The following CPEB2 variants were observed in gnomAD, a reference collection of about 807,000 sequenced individuals.
CPEB2 encodes the protein cytoplasmic polyadenylation element-binding protein 2.
A neutral mutation model predicts 93.6 loss-of-function variants in CPEB2; 56 were observed. The ratio of observed to expected loss-of-function variants is 0.60; its 90% CI spans 0.48 to 0.75. The LOEUF (loss-of-function observed/expected upper bound fraction) is 0.75, where lower values mean the gene tolerates loss of function less well. Among genes scored for constraint, CPEB2 ranks in the 30% least tolerant of loss-of-function variants. The pLI is 0.00. For missense variants in CPEB2, 1,579 were observed against 1,395.1 expected, an observed-to-expected ratio of 1.13 and a Z score of -2.10; for synonymous variants, 764 against 586.3, an observed-to-expected ratio of 1.30 and a Z score of -4.38.
rs1222649906 is a variant in CPEB2 at position 15,003,114 on chromosome 4, C to A, written c.441C>A (p.Pro147=). 2 of 1,527,448 alleles carry A rather than the reference C, an allele frequency of 1.3e-6. No homozygotes were observed. Among genetic ancestry groups the A allele is most frequent in the Non-Finnish European group, 1.8e-6 (2 of 1,142,616 alleles). 94.6% of individuals were successfully genotyped at this position (1,527,448 alleles called of 1,614,324 possible). The change falls in exon 1 of 12, where the codon CCC becomes CCA. Residue 147 remains proline, a synonymous_variant. Coordinates refer to ENST00000538197, the MANE Select transcript of CPEB2 (RefSeq NM_001177382.2). ...SQDFKPSLHH[P]SSSSASSCCC... is the part of the protein sequence containing the mutation. ...ACTTCAAACCGAGTCTGCACCACCCCTCCTCCTCCTCCGCCTCCTCCTGCT... is the reference window on the plus strand; with the variant it reads ...ACTTCAAACCGAGTCTGCACCACCCATCCTCCTCCTCCGCCTCCTCCTGCT...
At chr4:15,006,149 A>G (rs924951041) in intron 1 of CPEB2, among the ~76,000 whole-genome samples, 4 of 152,194 alleles carry the variant, frequency 2.6e-5, no homozygotes, top group Admixed American at 6.5e-5. Flanking sequence ...TGGTTTGTCC[A>G]TGGCTCTGTA....
chr4:15,008,430 A>C lies in CPEB2; in HGVS notation c.2034+3A>C. On this transcript the variant is annotated splice_donor_region_variant and intron_variant, in intron 3 of 11. Transcript: ENST00000538197. ...CCGGAACATCCAGAATAGACCAGGT[A>C]GGCTGCACAGTGTATACTTTTTAGG... The C allele has an allele frequency of 6.2e-7, 1 of 1,602,094 alleles. No homozygotes were observed. The highest frequency in any genetic ancestry group is 1.3e-5 in the African/African-American group (1 of 74,818).
chr4:15,019,923 G>C (rs1018821961), intron 4 of CPEB2, among the ~76,000 whole-genome samples: 2 of 151,986 alleles, frequency 1.3e-5, no homozygotes, highest in African/African-American at 4.8e-5. Context: ...CAGTTTAGCT[G>C]GTTACTTCTG....
chr4:15,054,585 G>A (rs1349167139), intron 8 of CPEB2, among the ~76,000 whole-genome samples: 1 of 151,890 alleles, frequency 6.6e-6, no homozygotes, highest in Non-Finnish European at 1.5e-5. Context: ...TTAGATAAAA[G>A]ACAAAGTAGC....
chr4:15,033,665 A>G (rs1022407863), intron 5 of CPEB2, among the ~76,000 whole-genome samples: 11 of 152,364 alleles, frequency 7.2e-5, no homozygotes, highest in African/African-American at 2.2e-4. Context: ...TGATCACACT[A>G]AACTTACTCA....
At chr4:15,022,961 C>G (rs962233011) in intron 4 of CPEB2, among the ~76,000 whole-genome samples, 3 of 151,922 alleles carry the variant, frequency 2.0e-5, no homozygotes, top group African/African-American at 7.2e-5. Flanking sequence ...GCCTTTATTA[C>G]AAACTTATTA....
intron 11 of CPEB2, chr4:15,063,788 G>A (rs892417122): frequency 1.3e-5 from 2 of 152,098 alleles, no homozygotes; most frequent in African/African-American, 4.8e-5. Context: ...GAGCAACTCA[G>A]TTGCAGAGCA....
At chr4:15,031,557 T>A (rs1283149658) in intron 4 of CPEB2, among the ~76,000 whole-genome samples, 1 of 152,132 alleles carries the variant, frequency 6.6e-6, no homozygotes, top group Admixed American at 6.5e-5. Context: ...GTATGACAAC[T>A]TTATTTAAGA....
In CPEB2 at chr4:15,069,154, TGTTA is replaced by T. The variant is rs1729914982; in HGVS notation, c.*2775_*2778del. On this transcript the variant is annotated 3_prime_UTR_variant, in exon 12 of 12. Transcript: ENST00000538197. ...AAATACTTTAAAAATCCACACTTTT[TGTTA>T]AGAAGGAAACATTTAGCATTTATAT... 6.6e-6 allele frequency: 1 copy of T among 152,308 alleles called. No homozygotes were observed. The highest frequency in any genetic ancestry group is 1.5e-5 in the Non-Finnish European group (1 of 67,846). The allele number at this position is 152,308 out of a possible 1,614,324, so 9.4% of individuals were successfully genotyped here.
chr4:15,014,653 C>G (rs1022958112), intron 3 of CPEB2, among the ~76,000 whole-genome samples: 1 of 151,952 alleles, frequency 6.6e-6, no homozygotes, highest in Non-Finnish European at 1.5e-5. Context: ...AGTCTTTCTC[C>G]TTACAGAACT....
At chr4:15,025,800 A>C (rs1337329563) in intron 4 of CPEB2, among the ~76,000 whole-genome samples, 1 of 2,874 alleles carries the variant, frequency 3.5e-4, no homozygotes, top group Non-Finnish European at 2.8e-3. Flanking sequence ...GGCATTCCCC[A>C]TGTATACACG....
chr4:15,003,932 C>G lies in CPEB2; in HGVS notation c.1259C>G (p.Pro420Arg). ...QQPPQPQPQP[P>R]GSSATTPGGG... Reference sequence around the variant, plus strand: ...CCGCCCCAGCCGCAGCCGCAGCCGCCCGGCTCGTCTGCCACCACCCCGGGC... The same window carrying G: ...CCGCCCCAGCCGCAGCCGCAGCCGCGCGGCTCGTCTGCCACCACCCCGGGC... The change falls in exon 1 of 12, where the codon CCC becomes CGC. Residue 420 changes from proline (P) to arginine (R), a missense_variant. Transcript: ENST00000538197. 8.8e-7 allele frequency: 1 copy of G among 1,131,386 alleles called. No individual in the cohort carries two copies. The highest frequency in any genetic ancestry group is 1.1e-6 in the Non-Finnish European group (1 of 877,114). The allele number at this position is 1,131,386 out of a possible 1,614,324, so 70.1% of individuals were successfully genotyped here.
At chr4:15,057,763 G>C (rs1267943014) in intron 8 of CPEB2, among the ~76,000 whole-genome samples, 1 of 152,168 alleles carries the variant, frequency 6.6e-6, no homozygotes, top group East Asian at 1.9e-4. Flanking sequence ...TGATTTAAAA[G>C]TTTTGATCCA....
intron 11 of CPEB2, among the ~76,000 whole-genome samples, chr4:15,064,200 G>A (rs1729475979): frequency 6.6e-6 from 1 of 151,960 alleles, no homozygotes; most frequent in Non-Finnish European, 1.5e-5. Context: ...ATATTTTTTT[G>A]TATGTTATTT....
In CPEB2 at chr4:15,058,529, A is replaced by G. The variant is rs1236895563; in HGVS notation, c.2570A>G (p.Lys857Arg). Residue 857 changes from lysine to arginine, a missense_variant, in exon 9 of 12, where the codon AAG (lysine) becomes AGG (arginine). Lys to Arg is a conservative substitution (Grantham distance 26, BLOSUM62 2). Around this residue, in one of 2 missense-constraint regions of CPEB2, gnomAD observed 168 missense variants for 339.1 expected, o/e 0.50. Coordinates refer to ENST00000538197, the MANE Select transcript of CPEB2 (RefSeq NM_001177382.2). ...LYLCVSSPTI[K>R]DKPVQIRPWN... ...CTGTGTGTTTCTAGCCCTACTATCA[A>G]GGACAAACCAGTAAGTAAATACCAC... 2 of 1,578,854 alleles carry G rather than the reference A, an allele frequency of 1.3e-6. No homozygotes were observed. The highest frequency in any genetic ancestry group is 1.4e-5 in the African/African-American group (1 of 73,970).
chr4:15,037,754 ATGT>A (rs1726769268), intron 5 of CPEB2, among the ~76,000 whole-genome samples: 2 of 152,166 alleles, frequency 1.3e-5, no homozygotes, highest in Admixed American at 1.3e-4. Flanking sequence ...ATAGCTCCTC[ATGT>A]TGTTTTTACA....
At chr4:15,028,975 C>T (rs1420287916) in intron 4 of CPEB2, among the ~76,000 whole-genome samples, 1 of 152,008 alleles carries the variant, frequency 6.6e-6, no homozygotes, top group African/African-American at 2.4e-5. Context: ...CTTTTTTATA[C>T]AGTTGTCACT....
At chr4:15,026,022 G>A (rs780250657) in intron 4 of CPEB2, among the ~76,000 whole-genome samples, 2 of 152,010 alleles carry the variant, frequency 1.3e-5, no homozygotes, top group Admixed American at 6.6e-5. Context: ...TAGGGATTTC[G>A]GAAAGCAACA....
At chr4:15,044,908 C>A (rs1577438467) in intron 6 of CPEB2, among the ~76,000 whole-genome samples, 1 of 152,296 alleles carries the variant, frequency 6.6e-6, no homozygotes, top group African/African-American at 2.4e-5. Context: ...CTTATTACTT[C>A]ATTCATCTAT....
Sources: gnomAD v4.1 joint callset for allele counts (sites outside exome capture counted in the v4.1 genomes callset) on GRCh38, gnomAD v4.1.1 for gene constraint, gnomAD v4.1.1 regional missense constraint, MANE v1.5 for transcripts, NCBI Gene and HGNC (gene_info 2026-07-23, HGNC 2026-07-21) for gene names.